SCAF11: variants seen among roughly 807,000 people sequenced by gnomAD.
SCAF11 encodes the protein protein SCAF11.
A neutral mutation model predicts 140.5 loss-of-function variants in SCAF11; 47 were observed. The ratio of observed to expected loss-of-function variants is 0.33; its 90% CI spans 0.26 to 0.43. The LOEUF is 0.43. Among genes scored for constraint, SCAF11 ranks in the 20% least tolerant of loss-of-function variants. The pLI is 1.00. For missense variants in SCAF11, 1,645 were observed against 1,705.1 expected (o/e 0.96, Z 0.62); for synonymous variants, 557 against 579.4 (o/e 0.96, Z 0.55).
Position 45,990,432 on chromosome 12 carries a change from TCCCCAACATGGACTC to T in SCAF11, c.-116_-102del. 2 of 1,231,864 alleles carry T rather than the reference TCCCCAACATGGACTC, an allele frequency of 1.6e-6. No individual in the cohort carries two copies. Among genetic ancestry groups the T allele is most frequent in the Non-Finnish European group, 2.0e-6 (2 of 988,288 alleles). The allele number at this position is 1,231,864 out of a possible 1,614,324, so 76.3% of individuals were successfully genotyped here. ...GGTCCCAGTCACTCCGCTGCCAAGT[TCCCCAACATGGACTC>T]CTTCGTCCGCTTTGTGGTGTTACAG... On this transcript the variant is annotated 5_prime_UTR_variant, in exon 1 of 15. An upstream start codon of the reference 5' UTR is lost. Coordinates refer to ENST00000369367, the MANE Select transcript of SCAF11 (RefSeq NM_004719.3).
intron 10 of SCAF11, 193 bp downstream of exon 10, chr12:45,931,313 T>A (rs1318868743): frequency 3.0e-6 from 1 of 335,900 alleles, no homozygotes; most frequent in Non-Finnish European, 5.5e-6. Context: ...TGTATCTATC[T>A]ATCTATATAT....
intron 1 of SCAF11, among the ~76,000 whole-genome samples, chr12:45,968,977 C>T (rs1173674600): frequency 1.3e-5 from 2 of 152,258 alleles, no homozygotes; most frequent in South Asian, 2.1e-4. Context: ...TAAGTCATTT[C>T]GGTTCTCTAG....
upstream of SCAF11, chr12:45,991,808 T>A: frequency 9.2e-7 from 1 of 1,090,120 alleles, no homozygotes; most frequent in Non-Finnish European, 1.1e-6. Flanking sequence ...CAGCTGACCT[T>A]CCAGTCCTCC....
chr12:45,921,933 T>A lies in SCAF11; in HGVS notation c.*115A>T, dbSNP rs1944723502. 1 of 1,241,278 alleles carries A rather than the reference T, an allele frequency of 8.1e-7. No homozygotes were observed. Among genetic ancestry groups the A allele is most frequent in the Middle Eastern group, 2.0e-4 (1 of 5,104 alleles). The allele number at this position is 1,241,278 out of a possible 1,614,324, so 76.9% of individuals were successfully genotyped here. A position where few individuals can be genotyped will look rare whatever the true frequency, so the allele number is the denominator to read the frequency against. ...AACATCATATCCTATGTTAAAAAAA[T>A]AATTTTATCAAAACCAAATTTCAAT... On this transcript the variant is annotated 3_prime_UTR_variant, in exon 15 of 15. Coordinates refer to ENST00000369367, the MANE Select transcript of SCAF11 (RefSeq NM_004719.3).
intron 3 of SCAF11, chr12:45,956,046 A>G: frequency 1.4e-6 from 1 of 706,226 alleles, no homozygotes. Context: ...CTGAAGCATT[A>G]TAAATTCTCA....
At chr12:45,960,064 T>C (rs940939761) in intron 3 of SCAF11, among the ~76,000 whole-genome samples, 4 of 152,144 alleles carry the variant, frequency 2.6e-5, no homozygotes, top group South Asian at 2.1e-4. Flanking sequence ...CTTAAAAATA[T>C]TCAACAAGAG....
intron 12 of SCAF11, 44 bp from the exon 13 acceptor site, chr12:45,923,198 G>T: frequency 6.6e-7 from 1 of 1,519,786 alleles, no homozygotes; most frequent in South Asian, 1.1e-5. Flanking sequence ...ACTTGTACTC[G>T]ATAGAAGTCT....
Position 45,922,412 on chromosome 12 carries a change from CAG to C in SCAF11, c.4245+49_4245+50del, listed in dbSNP as rs1396616203. On this transcript the variant is annotated intron_variant, in intron 14 of 14. Coordinates refer to ENST00000369367, the MANE Select transcript of SCAF11 (RefSeq NM_004719.3). The stretch of plus-strand genomic sequence containing the variant: ...AAACTTCAGCATTCATTTATTAAAA[CAG>C]AGGTGGTTCAAAACAACGTGCACAT... 10 of 1,574,230 alleles carry C rather than the reference CAG, an allele frequency of 6.4e-6. No individual in the cohort carries two copies. In the Admixed American group the frequency reaches 2.1e-4, roughly 33 times the overall value.
chr12:45,972,913 T>TAGATATTG (rs879325950), intron 1 of SCAF11, among the ~76,000 whole-genome samples: 2 of 90,484 alleles, frequency 2.2e-5, no homozygotes, highest in South Asian at 2.7e-4. Context: ...TATATAGATA[T>TAGATATTG]ATATATAGAT....
rs1262254528 is a variant in SCAF11, at chr12:45,948,525, T to C, written c.310A>G (p.Lys104Glu). The change falls in exon 5 of 15, where the codon AAA becomes GAA. Residue 104 changes from lysine (K) to glutamate (E), a missense_variant. Transcript: ENST00000369367. ...LEGYVKVQVK[K>E]QLRETKDKKN... ...TTGTCTTTTGTTTCTCTCAGCTGTT[T>C]TTTTACTTGAACCTATGAGAAAAGC... The C allele has an allele frequency of 6.2e-7, 1 of 1,608,780 alleles. No individual in the cohort carries two copies. Among genetic ancestry groups the C allele is most frequent in the East Asian group, 2.2e-5 (1 of 44,744 alleles).
intron 4 of SCAF11, among the ~76,000 whole-genome samples, chr12:45,949,129 T>C (rs560140256): frequency 1.3e-5 from 2 of 152,218 alleles, no homozygotes; most frequent in South Asian, 4.1e-4. Context: ...TGGTGTGATA[T>C]GGGGAATCAA....
In SCAF11 at chr12:45,921,938, T is replaced by G; in HGVS notation, c.*110A>C. 7.5e-7 allele frequency: 1 copy of G among 1,326,788 alleles called. No homozygotes were observed. Among genetic ancestry groups the G allele is most frequent in the Non-Finnish European group, 1.0e-6 (1 of 972,110 alleles). 82.2% of individuals were successfully genotyped at this position (1,326,788 alleles called of 1,614,324 possible). ...CATATCCTATGTTAAAAAAATAATT[T>G]TATCAAAACCAAATTTCAATCACAG... On this transcript the variant is annotated 3_prime_UTR_variant, in exon 15 of 15. Transcript: ENST00000369367.
At chr12:45,991,206 G>A (rs11574953), upstream of SCAF11, among the ~76,000 whole-genome samples, 1,367 of 152,284 alleles carry the variant, frequency 9.0e-3, 9 homozygotes, top group Admixed American at 0.017. Context: ...ATGCCAGGGG[G>A]AGAGCTTTCC....
rs774080858 is a variant in SCAF11 at position 45,923,048 on chromosome 12, C to T, written c.4013G>A (p.Gly1338Asp). ...GCTGTGACTTGATGACGAAGTATTA[C>T]CAGAACTTGGTCCCTGAACCATTCC... ...NTGMVQGPSSGNTSSSSHSKA... is the reference protein window; with the variant it reads ...NTGMVQGPSSDNTSSSSHSKA... Residue 1338 changes from glycine to aspartate, a missense_variant, in exon 13 of 15, where the codon GGT (glycine) becomes GAT (aspartate). Gly to Asp is a moderately conservative substitution (Grantham distance 94, BLOSUM62 -1). Around this residue, in one of 2 missense-constraint regions of SCAF11, gnomAD observed 1,582 missense variants for 1,609.2 expected, o/e 0.98. Transcript: ENST00000369367. 6.2e-7 allele frequency: 1 copy of T among 1,614,166 alleles called. No individual in the cohort carries two copies. The highest frequency in any genetic ancestry group is 8.5e-7 in the Non-Finnish European group (1 of 1,180,024).
chr12:45,962,006 G>A (rs1480798058), intron 2 of SCAF11, 149 bp from the exon 3 acceptor site: 2 of 479,912 alleles, frequency 4.2e-6, no homozygotes, highest in African/African-American at 4.0e-5. Flanking sequence ...CATACTGCTT[G>A]AGCCCAACGT....
upstream of SCAF11, chr12:45,991,917 C>A (rs1024566931): frequency 1.6e-6 from 2 of 1,287,598 alleles, no homozygotes; most frequent in Non-Finnish European, 2.0e-6. Flanking sequence ...CGCGCGCTCA[C>A]ACGTTTTCCT....
chr12:45,919,451 A>T lies in SCAF11; in HGVS notation c.*2597T>A, dbSNP rs2136482941. 1 of 152,720 alleles carries T rather than the reference A, an allele frequency of 6.5e-6. No individual in the cohort carries two copies. Among genetic ancestry groups the T allele is most frequent in the East Asian group, 1.9e-4 (1 of 5,188 alleles). 9.5% of individuals were successfully genotyped at this position (152,720 alleles called of 1,614,324 possible). ...AGGCATTTCTATAAAACATTGGTCA[A>T]TGTGACTAGTAAGTTAACGGGACCA... is the stretch of plus-strand genomic sequence containing the variant. On this transcript the variant is annotated 3_prime_UTR_variant, in exon 15 of 15. Coordinates refer to ENST00000369367, the MANE Select transcript of SCAF11 (RefSeq NM_004719.3).
At chr12:45,988,718 T>G (rs1946520269) in intron 1 of SCAF11, among the ~76,000 whole-genome samples, 1 of 152,216 alleles carries the variant, frequency 6.6e-6, no homozygotes, top group South Asian at 2.1e-4. Context: ...ATGAGTATAC[T>G]TACAGTAAGC....
chr12:45,930,821 T>C (rs1275980772), intron 10 of SCAF11: 2 of 152,204 alleles, frequency 1.3e-5, no homozygotes, highest in African/African-American at 4.8e-5. Context: ...ATTTTATACA[T>C]TAATGACATA....
Sources: gnomAD v4.1 joint callset for allele counts (sites outside exome capture counted in the v4.1 genomes callset) on GRCh38, gnomAD v4.1.1 for gene constraint, gnomAD v4.1.1 regional missense constraint, MANE v1.5 for transcripts, NCBI Gene and HGNC (gene_info 2026-07-23, HGNC 2026-07-21) for gene names.